The following RASEF variants were observed in gnomAD, a reference collection of about 807,000 sequenced individuals.
RASEF encodes RAS and EF-hand domain containing.
In RASEF, 68 loss-of-function variants were observed where a neutral mutation model predicts 90.1. The observed-to-expected ratio is 0.75, with a 90% CI of 0.62 to 0.92. The LOEUF (loss-of-function observed/expected upper bound fraction) is 0.92. RASEF is among the 40% of genes least tolerant of loss of function. The probability of loss-of-function intolerance (pLI) is 0.00; values close to 1 mark genes in which losing one functional copy is unlikely to be tolerated. For synonymous variants in RASEF, 331 were observed against 345.2 expected (o/e 0.96, Z 0.46); for missense variants, 949 against 937.2 (o/e 1.01, Z -0.16).
chr9:83,188,121 A>G, the RASEF span, among the ~76,000 whole-genome samples: 2 of 152,144 alleles, frequency 1.3e-5, no homozygotes, highest in African/African-American at 4.8e-5. Context: ...GCCTCCATTC[A>G]TTGATTTTAG....
chr9:83,134,419 C>CACAG, the RASEF span, among the ~76,000 whole-genome samples: 1 of 149,940 alleles, frequency 6.7e-6, no homozygotes, highest in Admixed American at 6.7e-5. Flanking sequence ...CGCACACACA[C>CACAG]ACACACACAC....
the RASEF span, among the ~76,000 whole-genome samples, chr9:83,182,100 C>T: frequency 3.1e-3 from 468 of 152,262 alleles, 2 homozygotes; most frequent in African/African-American, 0.01. Context: ...CACACATTCT[C>T]CTTGACCATC....
chr9:83,138,887 C>T, the RASEF span, among the ~76,000 whole-genome samples: 5 of 152,142 alleles, frequency 3.3e-5, no homozygotes, highest in African/African-American at 1.2e-4. Flanking sequence ...CCTCCTTACT[C>T]TAACAGTCTC....
chr9:83,021,782 A>G (rs552856854), intron 3 of RASEF, among the ~76,000 whole-genome samples: 27 of 152,340 alleles, frequency 1.8e-4, no homozygotes, highest in South Asian at 1.2e-3. Context: ...TACACCATTT[A>G]TATAAAAACT....
intron 14 of RASEF, among the ~76,000 whole-genome samples, chr9:82,995,406 T>C (rs550646464): frequency 9.8e-5 from 15 of 152,364 alleles, no homozygotes; most frequent in Non-Finnish European, 1.6e-4. Flanking sequence ...ATTTGTTCAC[T>C]TGAGTAGCCA....
At chr9:83,093,339 G>T in the RASEF span, among the ~76,000 whole-genome samples, 1 of 152,212 alleles carries the variant, frequency 6.6e-6, no homozygotes, top group Non-Finnish European at 1.5e-5. Context: ...GGGCCCCGCG[G>T]AGCAGGGGGT....
At chr9:83,110,780 T>G in the RASEF span, among the ~76,000 whole-genome samples, 1 of 152,298 alleles carries the variant, frequency 6.6e-6, no homozygotes, top group South Asian at 2.1e-4. Context: ...TACCACCTGT[T>G]TGTTCTGAAA....
chr9:83,194,922 G>A, the RASEF span, among the ~76,000 whole-genome samples: 3 of 152,122 alleles, frequency 2.0e-5, no homozygotes, highest in Non-Finnish European at 4.4e-5. Flanking sequence ...AGGTCATTTC[G>A]CATATTCCTT....
intron 16 of RASEF, 48 bp downstream of exon 16, chr9:82,990,343 A>C: frequency 7.7e-7 from 1 of 1,298,092 alleles, no homozygotes; most frequent in Non-Finnish European, 1.1e-6. Flanking sequence ...AATGTGTCAT[A>C]TGCAACAAGC....
chr9:83,041,107 C>T (rs974612336), intron 1 of RASEF, among the ~76,000 whole-genome samples: 3 of 152,180 alleles, frequency 2.0e-5, no homozygotes, highest in East Asian at 1.9e-4. Context: ...GTGATCCACC[C>T]GCCTGGGCCT....
intron 1 of RASEF, among the ~76,000 whole-genome samples, chr9:83,045,786 T>C (rs1292207569): frequency 2.0e-5 from 3 of 152,190 alleles, no homozygotes; most frequent in Admixed American, 1.3e-4. Flanking sequence ...CAGAAATGAC[T>C]TTTCCCAGTG....
chr9:83,059,990 C>A (rs1470493960), intron 1 of RASEF, among the ~76,000 whole-genome samples: 1 of 152,078 alleles, frequency 6.6e-6, no homozygotes, highest in Non-Finnish European at 1.5e-5. Flanking sequence ...CGAGTTTAAC[C>A]CAAAATTGCT....
chr9:83,068,912 A>AAT, the RASEF span, among the ~76,000 whole-genome samples: 1 of 152,264 alleles, frequency 6.6e-6, no homozygotes. Flanking sequence ...TTTGTCATGC[A>AAT]AGTTTATGTT....
the RASEF span, among the ~76,000 whole-genome samples, chr9:83,085,947 T>TA: frequency 6.6e-6 from 1 of 151,734 alleles, no homozygotes; most frequent in Admixed American, 6.6e-5. Flanking sequence ...AAAATAAAAA[T>TA]AAAAAAAGTT....
intron 1 of RASEF, among the ~76,000 whole-genome samples, chr9:83,048,997 G>A (rs1165319634): frequency 6.6e-6 from 1 of 151,926 alleles, no homozygotes; most frequent in Non-Finnish European, 1.5e-5. Flanking sequence ...GGTAGTGCAT[G>A]TCTGTAATCC....
rs73651024 is a variant in RASEF at position 83,039,138 on chromosome 9, T to C, written c.432-13217A>G. 2.6e-3 allele frequency among the ~76,000 whole-genome samples: 396 copies of C among 152,344 alleles called. 1 individual carries two copies. The highest frequency in any genetic ancestry group is 8.6e-3 in the African/African-American group (359 of 41,574). The stretch of plus-strand genomic sequence containing the variant: ...TTGATCAGAATCTAAGCCTTTCATA[T>C]ATGCTATCTAGAAGCCAAATGCTAC... On this transcript the variant is annotated intron_variant, in intron 1 of 16. Coordinates refer to ENST00000376447, the MANE Select transcript of RASEF (RefSeq NM_152573.4).
chr9:83,169,544 A>G, the RASEF span, among the ~76,000 whole-genome samples: 1 of 151,588 alleles, frequency 6.6e-6, no homozygotes, highest in East Asian at 1.9e-4. Flanking sequence ...CCTCGACAGC[A>G]TTTGGGTTTT....
At chr9:82,989,007 T>C (rs1453779887) in intron 16 of RASEF, among the ~76,000 whole-genome samples, 2 of 152,074 alleles carry the variant, frequency 1.3e-5, no homozygotes, top group African/African-American at 4.8e-5. Flanking sequence ...AAGAGGGAAA[T>C]GTTCGAAGAC....
At chr9:83,210,317 G>T in the RASEF span, among the ~76,000 whole-genome samples, 1 of 152,178 alleles carries the variant, frequency 6.6e-6, no homozygotes, top group African/African-American at 2.4e-5. Context: ...ATTTTAAATG[G>T]CAAGACTTCC....
Sources: gnomAD v4.1 joint callset for allele counts (sites outside exome capture counted in the v4.1 genomes callset) on GRCh38, gnomAD v4.1.1 for gene constraint, MANE v1.5 for transcripts, NCBI Gene and HGNC (gene_info 2026-07-23, HGNC 2026-07-21) for gene names.